Variants in DCP2 observed in about 807,000 individuals in gnomAD.
DCP2 encodes decapping mRNA 2, also known as m7GpppN-mRNA hydrolase.
A neutral mutation model predicts 56.1 loss-of-function variants in DCP2; 30 were observed. The ratio of observed to expected loss-of-function variants is 0.53; its 90% CI spans 0.40 to 0.73. DCP2 has a LOEUF of 0.73. DCP2 is among the 30% of genes least tolerant of loss of function. The pLI, the probability that DCP2 is intolerant of heterozygous loss-of-function variation, is 0.00. For missense variants in DCP2, 533 were observed against 502.7 expected, an observed-to-expected ratio of 1.06 and a Z score of -0.58; for synonymous variants, 197 against 163.3, an observed-to-expected ratio of 1.21 and a Z score of -1.57.
rs551408966 is a variant in DCP2 at position 112,976,872 on chromosome 5, C to A, written c.-62C>A. On this transcript the variant is annotated 5_prime_UTR_variant, in exon 1 of 11. Coordinates refer to ENST00000389063, the MANE Select transcript of DCP2 (RefSeq NM_152624.6). Reference sequence around the variant, plus strand: ...CTCCGGCGAGCCGGAGTCCTAGTGCCGTACCGTCAGTCCCCGGCCGCGCGG... The same window carrying A: ...CTCCGGCGAGCCGGAGTCCTAGTGCAGTACCGTCAGTCCCCGGCCGCGCGG... The A allele has an allele frequency of 1.3e-6, 2 of 1,560,094 alleles. No homozygotes were observed. The highest frequency in any genetic ancestry group is 1.7e-4 in the Middle Eastern group (1 of 5,964).
intron 1 of DCP2, among the ~76,000 whole-genome samples, chr5:112,979,159 G>A (rs1580787473): frequency 6.6e-6 from 1 of 152,226 alleles, no homozygotes; most frequent in South Asian, 2.1e-4. Flanking sequence ...TTTTTGAATG[G>A]AGTAACATTT....
intron 4 of DCP2, among the ~76,000 whole-genome samples, chr5:113,000,492 A>G (rs1319311833): frequency 6.6e-6 from 1 of 152,178 alleles, no homozygotes; most frequent in Non-Finnish European, 1.5e-5. Flanking sequence ...ACAGTTGCAC[A>G]TATTGATAGG....
In DCP2 at chr5:112,992,187, A is replaced by G; in HGVS notation, c.272A>G (p.Lys91Arg). Residue 91 changes from lysine to arginine, a missense_variant, in exon 3 of 11, where the codon AAG becomes AGG. Lys to Arg is a conservative substitution (Grantham distance 26). Transcript: ENST00000389063. ...EDVEKVLDEW[K>R]EYKMGVPTYG... ...GTGGAAAAAGTTTTGGATGAATGGA[A>G]GGAATATAAAATGGGAGTACCAACA... 1.9e-6 allele frequency: 3 copies of G among 1,614,040 alleles called. No individual in the cohort carries two copies. Among genetic ancestry groups the G allele is most frequent in the Non-Finnish European group, 2.5e-6 (3 of 1,180,006 alleles).
rs1750026659 is a variant in DCP2 at position 113,019,666 on chromosome 5, A to G, written c.*6182A>G. The G allele has an allele frequency of 6.6e-6, 1 of 152,132 alleles. No individual in the cohort carries two copies. 9.4% of individuals were successfully genotyped at this position (152,132 alleles called of 1,614,324 possible). A position where few individuals can be genotyped will look rare whatever the true frequency, so the allele number is the denominator to read the frequency against. Reference sequence around the variant, plus strand: ...GGGAAGGACAATAAAACCATGAACTATTTTGCTTTATGTCTGTTTTTAAAA... The same window carrying G: ...GGGAAGGACAATAAAACCATGAACTGTTTTGCTTTATGTCTGTTTTTAAAA... On this transcript the variant is annotated 3_prime_UTR_variant, in exon 11 of 11. Transcript: ENST00000389063.
chr5:112,997,065 C>G lies in DCP2; in HGVS notation c.433-4019C>G, dbSNP rs1235679405. 5.3e-5 allele frequency among the ~76,000 whole-genome samples: 8 copies of G among 152,336 alleles called. No homozygotes were observed. The East Asian group carries it at 1.5e-3, about 29-fold the overall frequency. ...AAGCAGAGGGGACTTCCTTATCATGCTAACTGAAACTGGTCTGTTTTGGGA... is the reference window on the plus strand; with the variant it reads ...AAGCAGAGGGGACTTCCTTATCATGGTAACTGAAACTGGTCTGTTTTGGGA... On this transcript the variant is annotated intron_variant, in intron 4 of 10. Transcript: ENST00000389063.
rs372416746 is a variant in DCP2 at position 112,992,168 on chromosome 5, A to C, written c.253A>C (p.Lys85Gln). The stretch of plus-strand genomic sequence containing the variant: ...GCTGCCTCAAGGTGAAGATGTGGAA[A>C]AAGTTTTGGATGAATGGAAGGAATA... ...FLLPQGEDVEKVLDEWKEYKM... is the reference protein window; with the variant it reads ...FLLPQGEDVEQVLDEWKEYKM... The change falls in exon 3 of 11, where the codon AAA becomes CAA. Residue 85 changes from lysine to glutamine, a missense_variant. This residue lies in a region of DCP2 where 137 missense variants were observed against 138.2 expected (regional missense o/e 0.99). Transcript: ENST00000389063. 6 of 1,613,942 alleles carry C rather than the reference A, an allele frequency of 3.7e-6. No individual in the cohort carries two copies. The African/African-American group carries it at 8.0e-5, about 22-fold the overall frequency.
intron 7 of DCP2, among the ~76,000 whole-genome samples, chr5:113,003,239 G>A (rs1055649632): frequency 6.6e-6 from 1 of 152,184 alleles, no homozygotes; most frequent in Admixed American, 6.5e-5. Context: ...GAGCTACTGC[G>A]CTCAGCCTGC....
rs1226911129 is a variant in DCP2, at chr5:113,018,542, T to C, written c.*5058T>C. ...AAATCAGTTGGCTGTGTTTGTAATCTTGTCCCACATGGACCCTAACCTTTA... is the reference window on the plus strand; with the variant it reads ...AAATCAGTTGGCTGTGTTTGTAATCCTGTCCCACATGGACCCTAACCTTTA... On this transcript the variant is annotated 3_prime_UTR_variant, in exon 11 of 11. Transcript: ENST00000389063. The C allele has an allele frequency of 6.6e-6, 1 of 152,260 alleles. No individual in the cohort carries two copies. The highest frequency in any genetic ancestry group is 1.5e-5 in the Non-Finnish European group (1 of 68,058). 9.4% of individuals were successfully genotyped at this position (152,260 alleles called of 1,614,324 possible). A position where few individuals can be genotyped will look rare whatever the true frequency, so the allele number is the denominator to read the frequency against.
chr5:113,013,031 G>A lies in DCP2; in HGVS notation c.1100-290G>A, dbSNP rs1749742249. 2.6e-5 allele frequency among the ~76,000 whole-genome samples: 4 copies of A among 152,174 alleles called. No homozygotes were observed. In the South Asian group the frequency reaches 6.2e-4, roughly 24 times the overall value. Reference sequence around the variant, plus strand: ...ACAGAATGCACATAAAATAGGTAAAGCACATACAGGAGGTAAAGTTACGCT... The same window carrying A: ...ACAGAATGCACATAAAATAGGTAAAACACATACAGGAGGTAAAGTTACGCT... On this transcript the variant is annotated intron_variant, in intron 10 of 10. Coordinates refer to ENST00000389063, the MANE Select transcript of DCP2 (RefSeq NM_152624.6).
chr5:112,998,272 C>G (rs1397170220), intron 4 of DCP2, among the ~76,000 whole-genome samples: 1 of 152,144 alleles, frequency 6.6e-6, no homozygotes, highest in East Asian at 1.9e-4. Flanking sequence ...TAAGCTGTAG[C>G]CATTCCTGGC....
chr5:112,992,113 A>AT lies in DCP2; in HGVS notation c.206-5dup. The AT allele has an allele frequency of 6.2e-7, 1 of 1,613,430 alleles. No individual in the cohort carries two copies. The highest frequency in any genetic ancestry group is 8.5e-7 in the Non-Finnish European group (1 of 1,179,852). ...AGGAGAAAGTAACTTCCTTGACACT[A>AT]TTTATACTCTTCAGTCATTGTCCGT... On this transcript the variant is annotated splice_polypyrimidine_tract_variant and splice_region_variant and intron_variant, in intron 2 of 10. Coordinates refer to ENST00000389063, the MANE Select transcript of DCP2 (RefSeq NM_152624.6).
At chr5:112,987,258 G>T (rs908806092) in intron 2 of DCP2, among the ~76,000 whole-genome samples, 1 of 152,154 alleles carries the variant, frequency 6.6e-6, no homozygotes, top group African/African-American at 2.4e-5. Context: ...TTTCTCAGTA[G>T]AAGTGGGGAA....
intron 8 of DCP2, among the ~76,000 whole-genome samples, chr5:113,006,919 G>A (rs760355769): frequency 7.2e-5 from 11 of 152,114 alleles, no homozygotes; most frequent in Non-Finnish European, 1.0e-4. Context: ...GATCACTTGA[G>A]GTCAGGAGTT....
chr5:112,981,649 A>G (rs1029551004), intron 1 of DCP2, among the ~76,000 whole-genome samples: 6 of 152,198 alleles, frequency 3.9e-5, no homozygotes, highest in African/African-American at 9.6e-5. Context: ...GTCTTGCAGA[A>G]TATCTGAATG....
Position 113,020,970 on chromosome 5 carries a change from A to T in DCP2, c.*7486A>T, listed in dbSNP as rs1176426007. On this transcript the variant is annotated 3_prime_UTR_variant, in exon 11 of 11. Coordinates refer to ENST00000389063, the MANE Select transcript of DCP2 (RefSeq NM_152624.6). ...CTTGGGCGGTTTTAGTTACCACCTTAGCCTGGTTTTCTGCTACTGTTATTT... is the reference window on the plus strand; with the variant it reads ...CTTGGGCGGTTTTAGTTACCACCTTTGCCTGGTTTTCTGCTACTGTTATTT... The T allele has an allele frequency of 2.6e-5, 4 of 152,222 alleles. No individual in the cohort carries two copies. The highest frequency in any genetic ancestry group is 5.9e-5 in the Non-Finnish European group (4 of 68,044). 9.4% of individuals were successfully genotyped at this position (152,222 alleles called of 1,614,324 possible). A position where few individuals can be genotyped will look rare whatever the true frequency, so the allele number is the denominator to read the frequency against.
At chr5:113,013,300 T>C in intron 10 of DCP2, 21 bp from the exon 11 acceptor site, 1 of 1,594,964 alleles carries the variant, frequency 6.3e-7, no homozygotes, top group Non-Finnish European at 8.5e-7. Flanking sequence ...AGCTTATTTA[T>C]TTTGTTTTTT....
chr5:113,006,616 T>A (rs1749448964), intron 8 of DCP2, among the ~76,000 whole-genome samples: 1 of 152,122 alleles, frequency 6.6e-6, no homozygotes, highest in East Asian at 1.9e-4. Flanking sequence ...TTAACATTCT[T>A]ATTTTATATA....
chr5:112,991,334 T>C (rs1748577900), intron 2 of DCP2, among the ~76,000 whole-genome samples: 1 of 152,216 alleles, frequency 6.6e-6, no homozygotes, highest in African/African-American at 2.4e-5. Context: ...AACAGTATTA[T>C]AGTGATGGGG....
intron 4 of DCP2, among the ~76,000 whole-genome samples, chr5:112,997,194 T>G (rs939363080): frequency 1.3e-5 from 2 of 152,228 alleles, no homozygotes; most frequent in African/African-American, 2.4e-5. Context: ...CCATTTTGTT[T>G]AGGTCTGTTG....
Sources: gnomAD v4.1 joint callset for allele counts (sites outside exome capture counted in the v4.1 genomes callset) on GRCh38, gnomAD v4.1.1 for gene constraint, gnomAD v4.1.1 regional missense constraint, MANE v1.5 for transcripts, NCBI Gene and HGNC (gene_info 2026-07-23, HGNC 2026-07-21) for gene names.